The following CEP250 variants were observed in gnomAD, a reference collection of about 807,000 sequenced individuals.
CEP250 encodes centrosomal protein 250, also known as centrosome-associated protein CEP250.
A neutral mutation model predicts 315.7 loss-of-function variants in CEP250; 242 were observed. That is an observed-to-expected ratio of 0.77 (90% CI 0.69 to 0.85). The LOEUF (loss-of-function observed/expected upper bound fraction) is 0.85, where lower values mean the gene tolerates loss of function less well. Ranked by LOEUF, CEP250 falls within the 40% of genes least tolerant of loss-of-function variation. The pLI is 0.00. For synonymous variants in CEP250, 1,088 were observed against 1,175.0 expected (o/e 0.93, Z 1.51); for missense variants, 2,515 against 2,886.4 (o/e 0.87, Z 2.95).
At chr20:35,471,978 G>T in intron 10 of CEP250, 72 bp from the exon 11 acceptor site, 3 of 915,608 alleles carry the variant, frequency 3.3e-6, no homozygotes, top group Non-Finnish European at 5.4e-6. Flanking sequence ...GACTTTGGTT[G>T]TTTGGGGTCC....
chr20:35,507,073 G>C (rs1362851630), intron 30 of CEP250, among the ~76,000 whole-genome samples: 1 of 152,178 alleles, frequency 6.6e-6, no homozygotes, highest in African/African-American at 2.4e-5. Context: ...ACTGGAATGA[G>C]GTCTGAGTCA....
chr20:35,486,001 A>T (rs1238911615), intron 20 of CEP250, among the ~76,000 whole-genome samples: 4 of 149,508 alleles, frequency 2.7e-5, no homozygotes, highest in Middle Eastern at 3.5e-3. Flanking sequence ...ATTCTGAATT[A>T]CATTTGCATT....
intron 20 of CEP250, among the ~76,000 whole-genome samples, chr20:35,486,345 A>C (rs1277265539): frequency 6.6e-6 from 1 of 152,034 alleles, no homozygotes; most frequent in African/African-American, 2.4e-5. Flanking sequence ...GGGCTTAAGC[A>C]ATCCTTCTGC....
At chr20:35,477,809 T>C (rs2063215363) in intron 16 of CEP250, 62 bp from the exon 17 acceptor site, 1 of 1,334,458 alleles carries the variant, frequency 7.5e-7, no homozygotes, top group Admixed American at 2.1e-5. Context: ...GTCTTAGCAT[T>C]TGATTCCTAA....
intron 2 of CEP250, among the ~76,000 whole-genome samples, chr20:35,459,625 A>C (rs1346862951): frequency 1.5e-5 from 2 of 130,014 alleles, no homozygotes; most frequent in African/African-American, 6.5e-5. Flanking sequence ...TCTCTACCAA[A>C]GAAAAAAAAA....
Position 35,505,019 on chromosome 20 carries a change from T to C in CEP250, c.6636+14T>C. On this transcript the variant is annotated intron_variant, in intron 30 of 34. Coordinates refer to ENST00000397527, the MANE Select transcript of CEP250 (RefSeq NM_007186.6). ...CAAAGGCTGCAGGTAAGTCACTCCA[T>C]GGGGAGTAAGGGCCAGGGGACACAC... 1 of 1,584,176 alleles carries C rather than the reference T, an allele frequency of 6.3e-7. No individual in the cohort carries two copies. The highest frequency in any genetic ancestry group is 8.6e-7 in the Non-Finnish European group (1 of 1,162,706).
intron 33 of CEP250, among the ~76,000 whole-genome samples, 188 bp downstream of exon 33, chr20:35,509,232 G>A (rs896076820): frequency 6.6e-6 from 1 of 152,182 alleles, no homozygotes; most frequent in East Asian, 1.9e-4. Flanking sequence ...CCAACATTGG[G>A]GTGGGGGTTG....
At position 35,458,339 on chromosome 20, in the gene CEP250, T is replaced by C. The variant is rs2062678119; in HGVS notation, c.-262T>C. ...GGCTGTTGGTCTTTAGTAAGGGTGC[T>C]GTCTTCCCTGTCTGATCCTTAGCAA... On this transcript the variant is annotated 5_prime_UTR_variant, in exon 2 of 35. Coordinates refer to ENST00000397527, the MANE Select transcript of CEP250 (RefSeq NM_007186.6). 6.6e-6 allele frequency: 1 copy of C among 152,242 alleles called. No individual in the cohort carries two copies. The highest frequency in any genetic ancestry group is 2.4e-5 in the African/African-American group (1 of 41,444). 9.4% of individuals were successfully genotyped at this position (152,242 alleles called of 1,614,324 possible).
At chr20:35,464,142 A>G (rs1005571655) in intron 5 of CEP250, among the ~76,000 whole-genome samples, 1 of 152,222 alleles carries the variant, frequency 6.6e-6, no homozygotes, top group Non-Finnish European at 1.5e-5. Flanking sequence ...TGTCATATAC[A>G]GATGGTCCTC....
rs530852408 is a variant in CEP250, at chr20:35,479,636, A to T, written c.2289-10A>T. 1 of 1,614,008 alleles carries T rather than the reference A, an allele frequency of 6.2e-7. No homozygotes were observed. The highest frequency in any genetic ancestry group is 1.3e-5 in the African/African-American group (1 of 75,056). ...GGGTAAGAAACTCTTCTGATTCCTGAACCTCACAGCTCAGCCAAGGAGCTA... is the reference window on the plus strand; with the variant it reads ...GGGTAAGAAACTCTTCTGATTCCTGTACCTCACAGCTCAGCCAAGGAGCTA... On this transcript the variant is annotated splice_polypyrimidine_tract_variant and intron_variant, in intron 18 of 34. Coordinates refer to ENST00000397527, the MANE Select transcript of CEP250 (RefSeq NM_007186.6).
chr20:35,500,375 C>T (rs1438586458), intron 28 of CEP250, among the ~76,000 whole-genome samples: 1 of 152,234 alleles, frequency 6.6e-6, no homozygotes, highest in African/African-American at 2.4e-5. Flanking sequence ...GGATTATAGG[C>T]ATGCGCCACC....
At position 35,467,483 on chromosome 20, in the gene CEP250, C is replaced by A. The variant is rs769038821; in HGVS notation, c.779C>A (p.Ala260Asp). 6.2e-7 allele frequency: 1 copy of A among 1,613,970 alleles called. No homozygotes were observed. Among genetic ancestry groups the A allele is most frequent in the Non-Finnish European group, 8.5e-7 (1 of 1,180,010 alleles). Reference sequence around the variant, plus strand: ...AAGACCCAGGAGCTGGAGAAGGAAGCCCATGAAAGGAGCCAGGAGTTAATA... The same window carrying A: ...AAGACCCAGGAGCTGGAGAAGGAAGACCATGAAAGGAGCCAGGAGTTAATA... ...LAKTQELEKEAHERSQELIQL... is the reference protein window; with the variant it reads ...LAKTQELEKEDHERSQELIQL... The change falls in exon 9 of 35, where the codon GCC (alanine) becomes GAC (aspartate). Residue 260 changes from alanine (A) to aspartate (D), a missense_variant. Ala to Asp is a moderately radical substitution (Grantham distance 126). Coordinates refer to ENST00000397527, the MANE Select transcript of CEP250 (RefSeq NM_007186.6).
chr20:35,462,162 C>T, intron 3 of CEP250, 103 bp from the exon 4 acceptor site: 1 of 459,496 alleles, frequency 2.2e-6, no homozygotes, highest in South Asian at 4.0e-5. Flanking sequence ...TCATAGCGCC[C>T]TTCAGAGATG....
At position 35,475,552 on chromosome 20, in the gene CEP250, A is replaced by T. The variant is rs2063147588; in HGVS notation, c.1622A>T (p.Glu541Val). 1.2e-6 allele frequency: 2 copies of T among 1,614,064 alleles called. No homozygotes were observed. Among genetic ancestry groups the T allele is most frequent in the South Asian group, 2.2e-5 (2 of 91,088 alleles). Residue 541 changes from glutamate to valine, a missense_variant, in exon 15 of 35, where the codon GAA becomes GTA. By Grantham distance (121) the Glu-to-Val change is moderately radical. Coordinates refer to ENST00000397527, the MANE Select transcript of CEP250 (RefSeq NM_007186.6). ...GCCAAACAGTCAGAATCACTCAGTG[A>T]ACTGATCACTCTTCGGGAAGCCCTG... ...LEAKQSESLS[E>V]LITLREALES...
chr20:35,497,893 A>T lies in CEP250; in HGVS notation c.3481A>T (p.Ser1161Cys), dbSNP rs1352725423. Residue 1161 changes from serine (S) to cysteine (C), a missense_variant, in exon 26 of 35, where the codon AGC (serine) becomes TGC (cysteine). By Grantham distance (112) the Ser-to-Cys change is moderately radical. Coordinates refer to ENST00000397527, the MANE Select transcript of CEP250 (RefSeq NM_007186.6). Reference sequence around the variant, plus strand: ...ACAGCTGCGACTGCGCAGCACAGAGAGCCAGCTAGAAGCGCTGGCCGCAGA... The same window carrying T: ...ACAGCTGCGACTGCGCAGCACAGAGTGCCAGCTAGAAGCGCTGGCCGCAGA... ...QLQLRLRSTE[S>C]QLEALAAEQQ... The T allele has an allele frequency of 6.2e-7, 1 of 1,606,746 alleles. No homozygotes were observed. The highest frequency in any genetic ancestry group is 8.5e-7 in the Non-Finnish European group (1 of 1,176,776).
chr20:35,477,945 C>G lies in CEP250; in HGVS notation c.1938C>G (p.Asp646Glu). 6.2e-7 allele frequency: 1 copy of G among 1,611,432 alleles called. No homozygotes were observed. The highest frequency in any genetic ancestry group is 8.5e-7 in the Non-Finnish European group (1 of 1,179,032). ...AGGCGAGAAATGCTTTGCAGGTCGA[C>G]CTGGCGGAGGCAGAGAAGAGGAGGG... ...AEQARNALQV[D>E]LAEAEKRREA... Residue 646 changes from aspartate to glutamate, a missense_variant, in exon 17 of 35, where the codon GAC becomes GAG. Coordinates refer to ENST00000397527, the MANE Select transcript of CEP250 (RefSeq NM_007186.6).
chr20:35,493,536 C>T lies in CEP250; in HGVS notation c.2997C>T (p.Ser999=). Residue 999 remains serine, a synonymous_variant, in exon 23 of 35, where the codon AGC becomes AGT. Coordinates refer to ENST00000397527, the MANE Select transcript of CEP250 (RefSeq NM_007186.6). ...TTGCTGCCCTCCAAGAAGAGAGCAG[C>T]TCCCTGCTGCAGGATAAGATGGACC... ...DDLAALQEES[S]SLLQDKMDLQ... is the part of the protein sequence containing the mutation. 1 of 1,597,638 alleles carries T rather than the reference C, an allele frequency of 6.3e-7. No individual in the cohort carries two copies. The highest frequency in any genetic ancestry group is 8.5e-7 in the Non-Finnish European group (1 of 1,172,970).
intron 4 of CEP250, among the ~76,000 whole-genome samples, chr20:35,463,035 A>T (rs1395480418): frequency 6.6e-6 from 1 of 152,242 alleles, no homozygotes; most frequent in Non-Finnish European, 1.5e-5. Flanking sequence ...TATAAAAGGC[A>T]TATAGAAAGT....
At chr20:35,483,469 G>A (rs2063416126) in intron 20 of CEP250, among the ~76,000 whole-genome samples, 2 of 151,266 alleles carry the variant, frequency 1.3e-5, no homozygotes, top group Admixed American at 6.6e-5. Flanking sequence ...TCCTCCTGCC[G>A]CAGCCTCCGA....
Sources: allele counts gnomAD v4.1 joint callset (sites outside exome capture counted in the v4.1 genomes callset), GRCh38; gene constraint gnomAD v4.1.1; transcripts MANE v1.5; gene names NCBI Gene and HGNC (gene_info 2026-07-23, HGNC 2026-07-21).